Variants in ZNF791 observed in about 807,000 individuals in gnomAD.
The protein encoded by ZNF791 is zinc finger protein 791.
In ZNF791, 4 loss-of-function variants were observed where a neutral mutation model predicts 11.5. That is an observed-to-expected ratio of 0.35 (90% CI 0.17 to 0.80). The LOEUF (loss-of-function observed/expected upper bound fraction) is 0.80. Ranked by LOEUF, ZNF791 falls within the 30% of genes least tolerant of loss-of-function variation. The pLI is 0.53. For synonymous variants in ZNF791, 212 were observed against 228.1 expected, an observed-to-expected ratio of 0.93 and a Z score of 0.64; for missense variants, 559 against 699.4, an observed-to-expected ratio of 0.80 and a Z score of 2.26.
At chr19:12,613,319 T>C (rs551975634) in intron 1 of ZNF791, among the ~76,000 whole-genome samples, 17 of 151,624 alleles carry the variant, frequency 1.1e-4, no homozygotes, top group East Asian at 8.0e-4. Flanking sequence ...CGGTGGCTCA[T>C]GCCTGTAATC....
At chr19:12,615,024 T>TC (rs2023225233) in intron 1 of ZNF791, among the ~76,000 whole-genome samples, 1 of 119,322 alleles carries the variant, frequency 8.4e-6, no homozygotes, top group Non-Finnish European at 1.8e-5. Context: ...TTTTTTTTTT[T>TC]TTTTTTTTTT....
chr19:12,611,175 C>A (rs762429056), intron 1 of ZNF791, 93 bp downstream of exon 1: 17 of 1,530,034 alleles, frequency 1.1e-5, no homozygotes, highest in Non-Finnish European at 1.5e-5. Context: ...TGGGGCTGGG[C>A]TGGCAGCTGG....
chr19:12,617,404 A>G (rs780421751), intron 1 of ZNF791, among the ~76,000 whole-genome samples: 19 of 152,204 alleles, frequency 1.2e-4, no homozygotes, highest in South Asian at 4.1e-4. Flanking sequence ...GATTACAGGC[A>G]TGAGTCACTG....
chr19:12,617,606 G>A (rs2023264190), intron 1 of ZNF791, among the ~76,000 whole-genome samples: 1 of 151,824 alleles, frequency 6.6e-6, no homozygotes, highest in Non-Finnish European at 1.5e-5. Context: ...GTGTGTTTTT[G>A]TCCACAACAT....
At chr19:12,622,671 G>A (rs1397308530) in intron 1 of ZNF791, among the ~76,000 whole-genome samples, 2 of 151,874 alleles carry the variant, frequency 1.3e-5, no homozygotes, top group Non-Finnish European at 2.9e-5. Context: ...GAGGAGGGTG[G>A]ATCACGAGGT....
intron 2 of ZNF791, 140 bp from the exon 3 acceptor site, chr19:12,624,510 G>C: frequency 1.6e-6 from 1 of 628,334 alleles, no homozygotes; most frequent in East Asian, 3.3e-5. Flanking sequence ...CATAATCACT[G>C]TTCCGAGATT....
chr19:12,620,364 CAG>C (rs2023320470), intron 1 of ZNF791, among the ~76,000 whole-genome samples: 1 of 151,706 alleles, frequency 6.6e-6, no homozygotes, highest in Admixed American at 6.6e-5. Context: ...TTTATAGAGA[CAG>C]GGTTTCACCA....
intron 1 of ZNF791, chr19:12,612,236 G>A (rs2023168426): frequency 4.8e-6 from 3 of 620,130 alleles, no homozygotes; most frequent in Non-Finnish European, 6.0e-6. Flanking sequence ...ATGGGGTCTG[G>A]CTGTGTTGCT....
chr19:12,630,885 T>A lies in ZNF791; in HGVS notation c.*1625T>A, dbSNP rs2023494931. On this transcript the variant is annotated 3_prime_UTR_variant, in exon 4 of 4. Transcript: ENST00000343325. ...TAAATTATTACAAAGTTTTTAAAAA[T>A]AAGTTTATAAAGAAAATAATGTACA... 6.6e-6 allele frequency: 1 copy of A among 152,232 alleles called. No individual in the cohort carries two copies. The highest frequency in any genetic ancestry group is 2.4e-5 in the African/African-American group (1 of 41,472). 9.4% of individuals were successfully genotyped at this position (152,232 alleles called of 1,614,324 possible). A position where few individuals can be genotyped will look rare whatever the true frequency, so the allele number is the denominator to read the frequency against.
chr19:12,617,957 G>A (rs112223354), intron 1 of ZNF791, among the ~76,000 whole-genome samples: 34,494 of 136,842 alleles, frequency 0.25, 4,583 homozygotes, highest in Non-Finnish European at 0.29. Context: ...CGTCCTTGTC[G>A]CCCAGGCTGG....
At chr19:12,627,356 G>C (rs1339262645) in intron 3 of ZNF791, among the ~76,000 whole-genome samples, 1 of 152,216 alleles carries the variant, frequency 6.6e-6, no homozygotes, top group Non-Finnish European at 1.5e-5. Flanking sequence ...GCCGGGTGCG[G>C]TGGCTCACGC....
chr19:12,616,616 C>T (rs2023247798), intron 1 of ZNF791, among the ~76,000 whole-genome samples: 1 of 152,010 alleles, frequency 6.6e-6, no homozygotes, highest in Non-Finnish European at 1.5e-5. Context: ...TCGCTTGAGC[C>T]TAGGAGGCAG....
At chr19:12,627,005 A>ACCCTG (rs1437632804) in intron 3 of ZNF791, among the ~76,000 whole-genome samples, 1 of 151,942 alleles carries the variant, frequency 6.6e-6, no homozygotes, top group Non-Finnish European at 1.5e-5. Context: ...ACAAGACGAG[A>ACCCTG]CCCTGTCTCT....
chr19:12,615,982 A>T (rs2145180007), intron 1 of ZNF791, among the ~76,000 whole-genome samples: 1 of 152,206 alleles, frequency 6.6e-6, no homozygotes, highest in Admixed American at 6.6e-5. Flanking sequence ...TGGTAAGAGG[A>T]CGTTTTGTTT....
chr19:12,618,933 C>T (rs1270022466), intron 1 of ZNF791, among the ~76,000 whole-genome samples: 3 of 150,808 alleles, frequency 2.0e-5, no homozygotes, highest in Non-Finnish European at 4.4e-5. Context: ...CTGCAACCTC[C>T]GCCTCCTGGG....
intron 1 of ZNF791, among the ~76,000 whole-genome samples, chr19:12,613,656 G>A (rs1346276020): frequency 6.6e-6 from 1 of 152,100 alleles, no homozygotes; most frequent in African/African-American, 2.4e-5. Flanking sequence ...TGACTGGGGA[G>A]CAGAGGCCTG....
At chr19:12,627,171 ACT>A (rs1969605949) in intron 3 of ZNF791, among the ~76,000 whole-genome samples, 1 of 147,654 alleles carries the variant, frequency 6.8e-6, no homozygotes, top group African/African-American at 2.5e-5. Context: ...ACAGAGTGAG[ACT>A]CTGTCTCAAA....
chr19:12,616,734 A>ACTAG (rs1380516725), intron 1 of ZNF791, among the ~76,000 whole-genome samples: 2 of 152,220 alleles, frequency 1.3e-5, no homozygotes, highest in Admixed American at 1.3e-4. Flanking sequence ...TATTTTAGAT[A>ACTAG]CTAGTCCTTA....
At chr19:12,625,873 C>A (rs1316745728) in intron 3 of ZNF791, among the ~76,000 whole-genome samples, 1 of 151,588 alleles carries the variant, frequency 6.6e-6, no homozygotes, top group Non-Finnish European at 1.5e-5. Flanking sequence ...GAAACAGAGT[C>A]TCGCTCTGTC....
Sources: gnomAD v4.1 joint callset for allele counts (sites outside exome capture counted in the v4.1 genomes callset) on GRCh38, gnomAD v4.1.1 for gene constraint, MANE v1.5 for transcripts, NCBI Gene and HGNC (gene_info 2026-07-23, HGNC 2026-07-21) for gene names.